RALYL: variants seen among roughly 807,000 people sequenced by gnomAD.
RALYL encodes RNA-binding Raly-like protein.
In RALYL, 29 loss-of-function variants were observed where a neutral mutation model predicts 35.1. That is an observed-to-expected ratio of 0.83 (90% CI 0.61 to 1.13). RALYL has a LOEUF of 1.13. RALYL is among the 50% of genes most tolerant of loss of function. RALYL has a pLI of 0.00. For missense variants in RALYL, 359 were observed against 360.4 expected, an observed-to-expected ratio of 1.00 and a Z score of 0.03; for synonymous variants, 120 against 127.6, an observed-to-expected ratio of 0.94 and a Z score of 0.40.
chr8:84,364,519 C>T (rs1205066758), intron 1 of RALYL, among the ~76,000 whole-genome samples: 1 of 138,480 alleles, frequency 7.2e-6, no homozygotes, highest in Non-Finnish European at 1.5e-5. Flanking sequence ...TTAGCTTATT[C>T]TTTCACCTAA....
chr8:84,279,715 G>A (rs912288454), intron 1 of RALYL, among the ~76,000 whole-genome samples: 29 of 151,872 alleles, frequency 1.9e-4, no homozygotes, highest in Non-Finnish European at 3.5e-4. Flanking sequence ...TTGGTTTATA[G>A]CTTTTTCCTA....
At chr8:84,903,539 C>A (rs1587107802) in intron 8 of RALYL, among the ~76,000 whole-genome samples, 1 of 152,106 alleles carries the variant, frequency 6.6e-6, no homozygotes, top group Non-Finnish European at 1.5e-5. Context: ...TGAGGGAGTT[C>A]TATGGGGGAG....
intron 7 of RALYL, among the ~76,000 whole-genome samples, chr8:84,885,594 A>G (rs1230617722): frequency 6.6e-6 from 1 of 152,178 alleles, no homozygotes; most frequent in Non-Finnish European, 1.5e-5. Flanking sequence ...GAACCTAATA[A>G]GTTGATTTTA....
intron 4 of RALYL, among the ~76,000 whole-genome samples, chr8:84,819,341 T>C (rs1586534955): frequency 6.6e-6 from 1 of 152,314 alleles, no homozygotes; most frequent in East Asian, 1.9e-4. Context: ...TGCCAGTCAG[T>C]GAAATGCTGT....
At chr8:84,522,613 G>A (rs966285542) in intron 1 of RALYL, among the ~76,000 whole-genome samples, 5 of 152,116 alleles carry the variant, frequency 3.3e-5, no homozygotes, top group Non-Finnish European at 7.4e-5. Context: ...GATTTTCTCT[G>A]ATATTTTTCA....
At chr8:84,794,329 A>T (rs1479527295) in intron 3 of RALYL, among the ~76,000 whole-genome samples, 1 of 152,208 alleles carries the variant, frequency 6.6e-6, no homozygotes, top group African/African-American at 2.4e-5. Context: ...GAGGATGAAG[A>T]TCTGAAACTG....
intron 8 of RALYL, among the ~76,000 whole-genome samples, chr8:84,913,789 G>A (rs113514557): frequency 0.022 from 3,338 of 151,386 alleles, 128 homozygotes; most frequent in African/African-American, 0.076. Flanking sequence ...AGCTTTAAGT[G>A]GTTTTTTTTA....
chr8:84,737,219 C>G (rs998485044), intron 2 of RALYL, among the ~76,000 whole-genome samples: 2 of 152,018 alleles, frequency 1.3e-5, no homozygotes, highest in African/African-American at 4.8e-5. Context: ...CACTGAAAAG[C>G]TATTAGCTGT....
intron 7 of RALYL, among the ~76,000 whole-genome samples, chr8:84,877,513 T>TAC (rs1267542177): frequency 1.8e-4 from 28 of 151,776 alleles, no homozygotes; most frequent in Admixed American, 1.3e-4. Flanking sequence ...TATATATATA[T>TAC]ACACATATAC....
At chr8:84,274,529 C>A (rs1349318742) in intron 1 of RALYL, among the ~76,000 whole-genome samples, 1 of 151,924 alleles carries the variant, frequency 6.6e-6, no homozygotes, top group African/African-American at 2.4e-5. Flanking sequence ...AAAGTAGAAG[C>A]ACAAATTTTT....
At chr8:84,410,044 A>G (rs887750820) in intron 1 of RALYL, among the ~76,000 whole-genome samples, 5 of 151,914 alleles carry the variant, frequency 3.3e-5, no homozygotes, top group African/African-American at 1.2e-4. Flanking sequence ...CACAACTTCT[A>G]TGGTATTTTT....
intron 1 of RALYL, among the ~76,000 whole-genome samples, chr8:84,306,355 G>A (rs1444046220): frequency 6.6e-6 from 1 of 152,060 alleles, no homozygotes; most frequent in African/African-American, 2.4e-5. Flanking sequence ...TGATATTTTG[G>A]GTGGGTCTGC....
chr8:84,908,863 CTTT>C (rs199823649), intron 8 of RALYL, among the ~76,000 whole-genome samples: 1 of 141,064 alleles, frequency 7.1e-6, no homozygotes, highest in African/African-American at 2.6e-5. Flanking sequence ...CCCTCCAGCA[CTTT>C]TTTTTTTTTT....
intron 5 of RALYL, among the ~76,000 whole-genome samples, chr8:84,857,162 A>T (rs1837226520): frequency 6.6e-6 from 1 of 152,176 alleles, no homozygotes. Context: ...GCATAATGAA[A>T]AGGAAGGCTG....
chr8:84,666,364 A>T (rs1020950277), intron 2 of RALYL, among the ~76,000 whole-genome samples: 6 of 152,052 alleles, frequency 3.9e-5, no homozygotes, highest in Non-Finnish European at 7.4e-5. Context: ...GTGCACACAC[A>T]TGTATACAGG....
intron 1 of RALYL, among the ~76,000 whole-genome samples, chr8:84,384,663 C>G (rs966054138): frequency 4.6e-5 from 7 of 151,666 alleles, no homozygotes; most frequent in African/African-American, 1.7e-4. Flanking sequence ...ATGTCCCATC[C>G]TCCTTTCCCC....
chr8:84,587,037 T>A (rs1812180258), intron 2 of RALYL, among the ~76,000 whole-genome samples: 1 of 152,146 alleles, frequency 6.6e-6, no homozygotes, highest in East Asian at 1.9e-4. Flanking sequence ...TGGATTTCAG[T>A]GGCAGTACTC....
chr8:84,378,816 G>T (rs1337650692), intron 1 of RALYL, among the ~76,000 whole-genome samples: 3 of 151,516 alleles, frequency 2.0e-5, no homozygotes, highest in African/African-American at 7.3e-5. Context: ...TATCATATGT[G>T]TCACATGATT....
chr8:84,408,073 TA>T lies in RALYL; in HGVS notation c.-23-121218del, dbSNP rs376340744. On this transcript the variant is annotated intron_variant, in intron 1 of 8. Transcript: ENST00000521268. ...GAACGCTATGAAACCTTATTTTACTTAAAAAAAAGTTTTTTTAAACTTATTT... is the reference window on the plus strand; with the variant it reads ...GAACGCTATGAAACCTTATTTTACTTAAAAAAAGTTTTTTTAAACTTATTT... Among the ~76,000 whole-genome samples the T allele has an allele frequency of 1.4e-3, 206 of 151,924 alleles. 1 individual carries two copies. The highest frequency in any genetic ancestry group is 4.3e-3 in the African/African-American group (179 of 41,488).
Sources: gnomAD v4.1 joint callset for allele counts (sites outside exome capture counted in the v4.1 genomes callset) on GRCh38, gnomAD v4.1.1 for gene constraint, MANE v1.5 for transcripts, NCBI Gene and HGNC (gene_info 2026-07-23, HGNC 2026-07-21) for gene names.